The following DIP2A variants were observed in gnomAD, a reference collection of about 807,000 sequenced individuals.
DIP2A encodes the protein disco-interacting protein 2 homolog A.
DIP2A carries 85 observed loss-of-function variants against 177.4 expected under a neutral mutation model. The ratio of observed to expected loss-of-function variants is 0.48; its 90% confidence interval spans 0.40 to 0.57. The LOEUF is 0.57. DIP2A is among the 20% of genes least tolerant of loss of function. The probability of loss-of-function intolerance (pLI) is 0.00; values close to 1 mark genes in which losing one functional copy is unlikely to be tolerated. For missense variants in DIP2A, 1,791 were observed against 2,100.2 expected, an observed-to-expected ratio of 0.85 and a Z score of 2.88; for synonymous variants, 886 against 881.8, an observed-to-expected ratio of 1.00 and a Z score of -0.08.
At chr21:46,520,610 A>G (rs114051653) in intron 8 of DIP2A, among the ~76,000 whole-genome samples, 365 of 152,368 alleles carry the variant, frequency 2.4e-3, no homozygotes, top group African/African-American at 8.6e-3. Flanking sequence ...AAACAAGACA[A>G]CAATTTTGTA....
intron 8 of DIP2A, among the ~76,000 whole-genome samples, chr21:46,519,090 C>T (rs1397449108): frequency 1.3e-5 from 2 of 152,156 alleles, no homozygotes; most frequent in African/African-American, 4.8e-5. Flanking sequence ...GGATAACTTC[C>T]TGACGTTGCC....
chr21:46,495,179 T>TTTCTCTTCTCTTCTCTTCTC (rs373831760), intron 3 of DIP2A, among the ~76,000 whole-genome samples: 31 of 72,468 alleles, frequency 4.3e-4, no homozygotes, highest in East Asian at 1.7e-3. Flanking sequence ...TCTTTCGCTT[T>TTTCTCTTCTCTTCTCTTCTC]TTCTCTTCTC....
At chr21:46,516,484 A>ATTCCTTTTTTTTTTT (rs2058578100) in intron 8 of DIP2A, among the ~76,000 whole-genome samples, 1 of 92,876 alleles carries the variant, frequency 1.1e-5, no homozygotes, top group Non-Finnish European at 2.4e-5. Flanking sequence ...GTCTTCTGAA[A>ATTCCTTTTTTTTTTT]TTTCTTTTTT....
chr21:46,485,915 A>G (rs2056653420), intron 2 of DIP2A, among the ~76,000 whole-genome samples: 1 of 151,778 alleles, frequency 6.6e-6, no homozygotes, highest in Admixed American at 6.6e-5. Context: ...TACTAAAAAT[A>G]TAAAAATTCG....
At chr21:46,490,982 C>T (rs1472842141) in intron 3 of DIP2A, among the ~76,000 whole-genome samples, 6 of 152,212 alleles carry the variant, frequency 3.9e-5, no homozygotes, top group Admixed American at 6.5e-5. Flanking sequence ...AAGTCTTCTT[C>T]TCACTCTTAC....
At chr21:46,525,722 A>C (rs1390727761) in intron 8 of DIP2A, 1 of 152,072 alleles carries the variant, frequency 6.6e-6, no homozygotes, top group Non-Finnish European at 1.5e-5. Context: ...TCCATATTTA[A>C]AAAACTGAAA....
In DIP2A at chr21:46,504,391, C is replaced by T. The variant is rs780571670; in HGVS notation, c.686C>T (p.Thr229Met). 17 of 1,613,764 alleles carry T rather than the reference C, an allele frequency of 1.1e-5. No individual in the cohort carries two copies. The highest frequency in any genetic ancestry group is 6.7e-5 in the Admixed American group (4 of 59,980). The change falls in exon 6 of 38, where the codon ACG becomes ATG. Residue 229 changes from threonine (T) to methionine (M), a missense_variant. Physicochemically the swap from Thr to Met is moderately conservative, Grantham distance 81. Transcript: ENST00000417564. ...CATTCTGCCCCTCCTGATGTCACCA[C>T]GGGCCTCGTGGAGCATTCGTACTTT... ...DLHSAPPDVT[T>M]GLVEHSYFER...
intron 36 of DIP2A, 46 bp from the exon 37 acceptor site, chr21:46,566,514 G>T: frequency 6.2e-7 from 1 of 1,612,728 alleles, no homozygotes; most frequent in Non-Finnish European, 8.5e-7. Context: ...TCCAGACTCT[G>T]CATGCCTTGG....
chr21:46,532,262 C>T (rs1054485834), intron 10 of DIP2A, 25 bp downstream of exon 10: 9 of 1,594,518 alleles, frequency 5.6e-6, no homozygotes, highest in African/African-American at 2.7e-5. Context: ...GCTCAGGTCC[C>T]GTGTGGTTCG....
intron 26 of DIP2A, 53 bp downstream of exon 26, chr21:46,554,345 T>C: frequency 6.2e-7 from 1 of 1,604,364 alleles, no homozygotes; most frequent in Non-Finnish European, 8.5e-7. Flanking sequence ...CAGCCTCCTA[T>C]CCTAAGCAGC....
chr21:46,533,857 T>C (rs1379211287), intron 11 of DIP2A, 147 bp from the exon 12 acceptor site: 3 of 964,014 alleles, frequency 3.1e-6, no homozygotes, highest in East Asian at 2.6e-5. Flanking sequence ...ATGTACCTTT[T>C]TAAATTATAT....
At chr21:46,477,255 A>T (rs955753721) in intron 1 of DIP2A, among the ~76,000 whole-genome samples, 1 of 151,958 alleles carries the variant, frequency 6.6e-6, no homozygotes, top group African/African-American at 2.4e-5. Context: ...TTATACGTAT[A>T]TATTTTTATC....
At chr21:46,523,393 A>ATTTTTTTTTTTTTTT (rs61370008) in intron 8 of DIP2A, among the ~76,000 whole-genome samples, 39 of 89,896 alleles carry the variant, frequency 4.3e-4, no homozygotes, top group Non-Finnish European at 5.0e-4. Flanking sequence ...CGCCTGGCTA[A>ATTTTTTTTTTTTTTT]TTTTTTTTTT....
At chr21:46,546,065 C>T (rs1601783816) in intron 20 of DIP2A, 104 bp downstream of exon 20, 2 of 1,584,772 alleles carry the variant, frequency 1.3e-6, no homozygotes, top group East Asian at 4.5e-5. Flanking sequence ...CGTTCCTGAC[C>T]TCCCATGTGG....
chr21:46,467,021 G>T (rs1255734813), intron 1 of DIP2A, among the ~76,000 whole-genome samples: 1 of 152,066 alleles, frequency 6.6e-6, no homozygotes. Flanking sequence ...GTTAGGCCGG[G>T]CGCGGTGGCT....
At chr21:46,463,857 C>T (rs758556946) in intron 1 of DIP2A, among the ~76,000 whole-genome samples, 7 of 151,728 alleles carry the variant, frequency 4.6e-5, no homozygotes, top group South Asian at 2.1e-4. Flanking sequence ...TACAGGCACA[C>T]GCCATCACGC....
At chr21:46,486,716 A>G (rs1039343248) in intron 2 of DIP2A, among the ~76,000 whole-genome samples, 1 of 152,256 alleles carries the variant, frequency 6.6e-6, no homozygotes, top group Non-Finnish European at 1.5e-5. Flanking sequence ...AGTAGGATGC[A>G]GGCAGCTAGT....
intron 1 of DIP2A, among the ~76,000 whole-genome samples, chr21:46,477,872 C>G (rs555564948): frequency 6.6e-6 from 1 of 152,108 alleles, no homozygotes; most frequent in African/African-American, 2.4e-5. Context: ...CGTGAGCCAC[C>G]ACGCCCGGCC....
At chr21:46,480,339 G>A (rs1261535647) in intron 1 of DIP2A, among the ~76,000 whole-genome samples, 1 of 152,098 alleles carries the variant, frequency 6.6e-6, no homozygotes, top group Non-Finnish European at 1.5e-5. Context: ...CTTACTATCC[G>A]GAGAACAGCA....
Sources: gnomAD v4.1 joint callset for allele counts (sites outside exome capture counted in the v4.1 genomes callset) on GRCh38, gnomAD v4.1.1 for gene constraint, MANE v1.5 for transcripts, NCBI Gene and HGNC (gene_info 2026-07-23, HGNC 2026-07-21) for gene names.